EIF3L: variants seen among roughly 807,000 people sequenced by gnomAD.
EIF3L encodes eIEF associated protein HSPC021.
Under a neutral mutation model 74.6 loss-of-function variants are expected in EIF3L, and 32 were observed. The observed-to-expected ratio is 0.43, with a 90% confidence interval of 0.32 to 0.58. EIF3L has a LOEUF of 0.58. Among genes scored for constraint, EIF3L ranks in the 20% least tolerant of loss-of-function variants. EIF3L has a pLI of 0.06. For synonymous variants in EIF3L, 256 were observed against 254.4 expected, an observed-to-expected ratio of 1.01 and a Z score of -0.06; for missense variants, 474 against 707.8, an observed-to-expected ratio of 0.67 and a Z score of 3.75.
intron 2 of EIF3L, 51 bp from the exon 3 acceptor site, chr22:37,851,229 T>C: frequency 1.9e-6 from 3 of 1,541,178 alleles, no homozygotes; most frequent in Non-Finnish European, 2.7e-6. Context: ...TTTCGTTCTA[T>C]CATATATGTG....
chr22:37,857,756 ACTC>A (rs1418951067), intron 4 of EIF3L, among the ~76,000 whole-genome samples: 2 of 148,558 alleles, frequency 1.3e-5, no homozygotes, highest in Non-Finnish European at 3.0e-5. Flanking sequence ...CTGATTTTGA[ACTC>A]CTGACCTCAA....
intron 8 of EIF3L, among the ~76,000 whole-genome samples, chr22:37,872,818 G>C (rs973276195): frequency 2.0e-5 from 3 of 151,472 alleles, no homozygotes; most frequent in South Asian, 2.1e-4. Flanking sequence ...TAGAAACAAG[G>C]TCTCACTTTG....
chr22:37,873,620 A>G (rs1052522630), intron 8 of EIF3L, among the ~76,000 whole-genome samples: 3 of 152,100 alleles, frequency 2.0e-5, no homozygotes, highest in African/African-American at 7.2e-5. Context: ...TTTCAAGTAA[A>G]AATGAAAAAA....
rs1366402645 is a variant in EIF3L, at chr22:37,877,892, C to A, written c.1296C>A (p.His432Gln). Residue 432 changes from histidine to glutamine, a missense_variant, in exon 11 of 13, where the codon CAC (histidine) becomes CAA (glutamine). Physicochemically the swap from His to Gln is conservative, Grantham distance 24. This residue lies in a region of EIF3L where 293 missense variants were observed against 469.1 expected (regional missense o/e 0.62). Coordinates refer to ENST00000652021, the MANE Select transcript of EIF3L (RefSeq NM_016091.4). ...SPVVPNYDNVHPNYHKEPFLQ... is the reference protein window; with the variant it reads ...SPVVPNYDNVQPNYHKEPFLQ... ...TAGTGCCCAACTATGATAATGTGCA[C>A]CCCAACTACCACAAAGAGCCCTTCC... is the stretch of plus-strand genomic sequence containing the variant. The A allele has an allele frequency of 9.3e-6, 15 of 1,612,976 alleles. No homozygotes were observed. The highest frequency in any genetic ancestry group is 1.2e-5 in the Non-Finnish European group (14 of 1,179,866).
chr22:37,852,648 A>T (rs1379289149), intron 3 of EIF3L, among the ~76,000 whole-genome samples: 1 of 152,072 alleles, frequency 6.6e-6, no homozygotes, highest in Non-Finnish European at 1.5e-5. Context: ...GAAAGAGCTG[A>T]TTGTAGTTGA....
At chr22:37,857,533 A>C (rs1925594944) in intron 4 of EIF3L, among the ~76,000 whole-genome samples, 1 of 150,944 alleles carries the variant, frequency 6.6e-6, no homozygotes, top group Non-Finnish European at 1.5e-5. Context: ...TTGAACACTT[A>C]ACTCCTTTTT....
Position 37,874,509 on chromosome 22 carries a change from C to G in EIF3L, c.891C>G (p.Ile297Met). The change falls in exon 9 of 13, where the codon ATC (isoleucine) becomes ATG (methionine). Residue 297 changes from isoleucine (I) to methionine (M), a missense_variant. Ile to Met is a conservative substitution (Grantham distance 10). This residue lies in a region of EIF3L where 293 missense variants were observed against 469.1 expected (regional missense o/e 0.62). Coordinates refer to ENST00000652021, the MANE Select transcript of EIF3L (RefSeq NM_016091.4). ...YYQAIKVLEN[I>M]ELNKKSMYSR... is the part of the protein sequence containing the mutation. ...AGGCCATCAAGGTGCTGGAGAACATCGAACTGAACAAGAAGGTGATGCCTA... is the reference window on the plus strand; with the variant it reads ...AGGCCATCAAGGTGCTGGAGAACATGGAACTGAACAAGAAGGTGATGCCTA... 2 of 1,613,996 alleles carry G rather than the reference C, an allele frequency of 1.2e-6. No individual in the cohort carries two copies. The highest frequency in any genetic ancestry group is 1.7e-6 in the Non-Finnish European group (2 of 1,179,966).
chr22:37,851,381 A>C lies in EIF3L; in HGVS notation c.184A>C (p.Thr62Pro). 6.2e-7 allele frequency: 1 copy of C among 1,614,102 alleles called. No individual in the cohort carries two copies. The highest frequency in any genetic ancestry group is 8.5e-7 in the Non-Finnish European group (1 of 1,179,984). Residue 62 changes from threonine (T) to proline (P), a missense_variant, in exon 3 of 13, where the codon ACT becomes CCT. This residue lies in a region of EIF3L where 141 missense variants were observed against 197.7 expected (regional missense o/e 0.71). Transcript: ENST00000652021. ...IKNFIQYFHK[T>P]VSDLIDQKVY... ...AAACTTCATCCAGTATTTCCACAAA[A>C]CTGTCTCAGATTTGATTGACCAGAA... is the stretch of plus-strand genomic sequence containing the variant.
At chr22:37,849,815 C>A in intron 1 of EIF3L, 200 bp from the exon 2 acceptor site, 1 of 632,974 alleles carries the variant, frequency 1.6e-6, no homozygotes. Context: ...CTTTGCTCCA[C>A]CTCATTGCAC....
intron 9 of EIF3L, among the ~76,000 whole-genome samples, chr22:37,875,428 A>G (rs1198900251): frequency 5.9e-5 from 9 of 152,112 alleles, no homozygotes; most frequent in African/African-American, 2.2e-4. Context: ...TGGTATGTTC[A>G]TTGATACATG....
At chr22:37,868,634 C>CTTTTTTTTTTTTTTTTTTTTTTTT (rs71195065) in intron 7 of EIF3L, among the ~76,000 whole-genome samples, 2 of 25,126 alleles carry the variant, frequency 8.0e-5, no homozygotes, top group Non-Finnish European at 1.6e-4. Context: ...TGTTTTGGTG[C>CTTTTTTTTTTTTTTTTTTTTTTTT]TTTTTTTTTT....
intron 8 of EIF3L, among the ~76,000 whole-genome samples, chr22:37,873,648 T>G (rs891662210): frequency 6.6e-6 from 1 of 152,182 alleles, no homozygotes; most frequent in South Asian, 2.1e-4. Context: ...CTTTCTTTTT[T>G]TTGTCTTTTT....
intron 11 of EIF3L, chr22:37,880,235 C>T (rs1926978687): frequency 6.6e-6 from 1 of 152,218 alleles, no homozygotes; most frequent in Admixed American, 6.6e-5. Context: ...GCCTCAGCCT[C>T]CCGAGTAGCT....
chr22:37,864,969 G>A (rs1045885311), intron 7 of EIF3L, among the ~76,000 whole-genome samples: 1 of 152,186 alleles, frequency 6.6e-6, no homozygotes, highest in Non-Finnish European at 1.5e-5. Context: ...AGAGTGTTTA[G>A]CATAGTGCCT....
chr22:37,880,768 C>A (rs1927008663), intron 11 of EIF3L: 1 of 152,280 alleles, frequency 6.6e-6, no homozygotes, highest in Non-Finnish European at 1.5e-5. Context: ...GTGTGAGCCA[C>A]TGCGCCTGTC....
At chr22:37,870,692 A>G (rs1283587160) in intron 8 of EIF3L, among the ~76,000 whole-genome samples, 1 of 151,976 alleles carries the variant, frequency 6.6e-6, no homozygotes, top group Non-Finnish European at 1.5e-5. Context: ...AAATGTATCT[A>G]TTTTAAAAAA....
intron 9 of EIF3L, among the ~76,000 whole-genome samples, chr22:37,875,551 T>C (rs1926700936): frequency 6.6e-6 from 1 of 152,188 alleles, no homozygotes; most frequent in Non-Finnish European, 1.5e-5. Flanking sequence ...AAGGACTTAA[T>C]TGAAAAAGCA....
chr22:37,863,152 A>T (rs544821416), intron 6 of EIF3L, 114 bp downstream of exon 6: 1 of 1,161,120 alleles, frequency 8.6e-7, no homozygotes, highest in South Asian at 1.4e-5. Flanking sequence ...TGTAGGTGGG[A>T]AGAGGGGAGG....
chr22:37,852,847 A>G (rs1311653901), intron 3 of EIF3L, among the ~76,000 whole-genome samples: 2 of 145,800 alleles, frequency 1.4e-5, no homozygotes, highest in Non-Finnish European at 3.0e-5. Context: ...TCTGGGGGTT[A>G]GTTAGTGAGG....
Sources: allele counts gnomAD v4.1 joint callset (sites outside exome capture counted in the v4.1 genomes callset), GRCh38; gene constraint gnomAD v4.1.1; regional missense constraint gnomAD v4.1.1; transcripts MANE v1.5; gene names NCBI Gene and HGNC (gene_info 2026-07-23, HGNC 2026-07-21).